The following LYRM1 variants were observed in gnomAD, a reference collection of about 807,000 sequenced individuals.
LYRM1 encodes LYR motif-containing protein 1.
A neutral mutation model predicts 14.9 loss-of-function variants in LYRM1; 14 were observed. The observed-to-expected ratio is 0.94, with a 90% CI of 0.62 to 1.47. The LOEUF (loss-of-function observed/expected upper bound fraction) is 1.47. Among genes scored for constraint, LYRM1 ranks in the 40% most tolerant of loss-of-function variants. LYRM1 has a pLI of 0.00. For missense variants in LYRM1, 153 were observed against 149.9 expected, an observed-to-expected ratio of 1.02 and a Z score of -0.11; for synonymous variants, 43 against 56.2, an observed-to-expected ratio of 0.77 and a Z score of 1.05.
intron 1 of LYRM1, among the ~76,000 whole-genome samples, chr16:20,909,222 C>T (rs966469963): frequency 6.6e-6 from 1 of 152,192 alleles, no homozygotes. Context: ...AAATGATCCT[C>T]ACCTCCACAC....
At position 20,920,280 on chromosome 16, in the gene LYRM1, T is replaced by C; in HGVS notation, c.252+66T>C. On this transcript the variant is annotated intron_variant, in intron 3 of 3. Coordinates refer to ENST00000567954, the MANE Select transcript of LYRM1 (RefSeq NM_001128302.3). ...TCATCAACCTGGTTATTTCCAAGAA[T>C]GTGTAACAAGAGGGCGAGTGCTTGC... 4.1e-6 allele frequency: 5 copies of C among 1,216,454 alleles called. No homozygotes were observed. The South Asian group carries it at 4.8e-5, about 12-fold the overall frequency. 75.4% of individuals were successfully genotyped at this position (1,216,454 alleles called of 1,614,324 possible).
Position 20,908,854 on chromosome 16 carries a change from A to C in LYRM1, c.1-6702A>C, listed in dbSNP as rs13336268. Among the ~76,000 whole-genome samples the C allele has an allele frequency of 4.7e-3, 709 of 152,334 alleles. 6 individuals are homozygous for C. The highest frequency in any genetic ancestry group is 0.016 in the African/African-American group (646 of 41,568). On this transcript the variant is annotated intron_variant, in intron 1 of 3. Transcript: ENST00000567954. ...AGGCAGAGGAAGACTCAGCCAAGAC[A>C]GACAGAAGTATGACATGGCAAGGCA...
chr16:20,920,533 C>G (rs8050226), intron 3 of LYRM1: 120 of 297,914 alleles, frequency 4.0e-4, no homozygotes, highest in African/African-American at 2.5e-3. Flanking sequence ...TTTGTTGTTA[C>G]TAAAAGAATA....
intron 1 of LYRM1, among the ~76,000 whole-genome samples, chr16:20,902,895 T>TC (rs1054688201): frequency 2.6e-5 from 4 of 152,152 alleles, no homozygotes; most frequent in African/African-American, 9.7e-5. Flanking sequence ...AGCCATACAA[T>TC]CCAACAGCTT....
At chr16:20,906,183 A>G (rs769012172) in intron 1 of LYRM1, among the ~76,000 whole-genome samples, 24 of 152,204 alleles carry the variant, frequency 1.6e-4, no homozygotes, top group Admixed American at 5.2e-4. Context: ...GGGGTATGCC[A>G]GAGGTGCCAG....
chr16:20,921,177 C>G (rs1365286103), intron 3 of LYRM1: 1 of 152,078 alleles, frequency 6.6e-6, no homozygotes, highest in East Asian at 1.9e-4. Flanking sequence ...GCAGCCTTGA[C>G]CTCCCAGGCT....
chr16:20,919,277 G>T (rs2083065424), intron 2 of LYRM1, among the ~76,000 whole-genome samples: 1 of 145,160 alleles, frequency 6.9e-6, no homozygotes, highest in Non-Finnish European at 1.5e-5. Flanking sequence ...TACTCTGGGG[G>T]TTTCAGGACA....
At chr16:20,917,903 T>G (rs11864905) in intron 2 of LYRM1, among the ~76,000 whole-genome samples, 96,545 of 151,340 alleles carry the variant, frequency 0.64, 31,887 homozygotes, top group Non-Finnish European at 0.73. Flanking sequence ...TATAGACACG[T>G]TCTTATACTT....
chr16:20,920,036 T>TA, intron 2 of LYRM1, 86 bp from the exon 3 acceptor site: 2 of 783,520 alleles, frequency 2.6e-6, no homozygotes, highest in Non-Finnish European at 3.9e-6. Flanking sequence ...GCTAGTGAAC[T>TA]AAAAAAGTTT....
chr16:20,901,942 G>A lies in LYRM1; in HGVS notation c.-1+1053G>A, dbSNP rs1462464882. Among the ~76,000 whole-genome samples the A allele has an allele frequency of 6.6e-6, 1 of 152,162 alleles. No individual in the cohort carries two copies. The highest frequency in any genetic ancestry group is 1.5e-5 in the Non-Finnish European group (1 of 68,034). ...AGATCGAGATCATCCTGGCCAACAT[G>A]GTGAAACCCCATCTCTACTAAAAAT... On this transcript the variant is annotated intron_variant, in intron 1 of 3. Transcript: ENST00000567954. The surrounding 1 kb of genome is among the most constrained non-coding windows in gnomAD (Gnocchi z 4.6).
Position 20,924,633 on chromosome 16 carries a change from A to G in LYRM1, c.*517A>G, listed in dbSNP as rs750565277. On this transcript the variant is annotated 3_prime_UTR_variant, in exon 4 of 4. Coordinates refer to ENST00000567954, the MANE Select transcript of LYRM1 (RefSeq NM_001128302.3). Reference sequence around the variant, plus strand: ...ACAAACTTGTCTTAAAAAGTGCATCATTGGATTGACCATGGTTTTTCATGA... The same window carrying G: ...ACAAACTTGTCTTAAAAAGTGCATCGTTGGATTGACCATGGTTTTTCATGA... The G allele has an allele frequency of 2.0e-5, 3 of 152,380 alleles. No homozygotes were observed. Among genetic ancestry groups the G allele is most frequent in the Non-Finnish European group, 4.4e-5 (3 of 68,264 alleles). 9.4% of individuals were successfully genotyped at this position (152,380 alleles called of 1,614,324 possible). A position where few individuals can be genotyped will look rare whatever the true frequency, so the allele number is the denominator to read the frequency against.
At position 20,916,922 on chromosome 16, in the gene LYRM1, A is replaced by G. The variant is rs1307817851; in HGVS notation, c.159+1208A>G. Among the ~76,000 whole-genome samples, 3 of 152,224 alleles carry G rather than the reference A, an allele frequency of 2.0e-5. 1 individual carries two copies. The highest frequency in any genetic ancestry group is 7.2e-5 in the African/African-American group (3 of 41,462). On this transcript the variant is annotated intron_variant, in intron 2 of 3. Coordinates refer to ENST00000567954, the MANE Select transcript of LYRM1 (RefSeq NM_001128302.3). ...AAAGAAATATAAAATTACAGTTGGG[A>G]AAAGTGCTACAAAGGCTGGACATGG...
intron 2 of LYRM1, 115 bp downstream of exon 2, chr16:20,915,829 C>A: frequency 8.5e-7 from 1 of 1,170,924 alleles, no homozygotes; most frequent in Non-Finnish European, 1.2e-6. Context: ...GGTGGCAGAA[C>A]TTGGGGCAGG....
At chr16:20,915,774 A>C (rs568423409) in intron 2 of LYRM1, 60 bp downstream of exon 2, 21 of 1,563,690 alleles carry the variant, frequency 1.3e-5, no homozygotes, top group South Asian at 6.8e-5. Flanking sequence ...ATATTTGTTT[A>C]TTTCTTTTCG....
At chr16:20,915,459 CA>C (rs566437893) in intron 1 of LYRM1, 96 bp from the exon 2 acceptor site, 34,762 of 791,276 alleles carry the variant, frequency 0.044, 1 homozygote, top group South Asian at 0.05. Flanking sequence ...GACTCCGTCT[CA>C]AAAAAAAAAA....
chr16:20,914,875 T>G (rs2082794832), intron 1 of LYRM1, among the ~76,000 whole-genome samples: 1 of 152,230 alleles, frequency 6.6e-6, no homozygotes, highest in African/African-American at 2.4e-5. Context: ...GTGGATTAAA[T>G]TCCATTTCTC....
chr16:20,907,478 A>G (rs905385578), intron 1 of LYRM1, among the ~76,000 whole-genome samples: 2 of 152,118 alleles, frequency 1.3e-5, no homozygotes, highest in Non-Finnish European at 2.9e-5. Context: ...CTCCCACCTC[A>G]GCCTCTGAAA....
At chr16:20,909,181 T>C (rs2082463193) in intron 1 of LYRM1, among the ~76,000 whole-genome samples, 1 of 152,176 alleles carries the variant, frequency 6.6e-6, no homozygotes. Flanking sequence ...CTTTTCTTAG[T>C]GGCACAGGCC....
At chr16:20,910,227 C>G (rs2082523109) in intron 1 of LYRM1, among the ~76,000 whole-genome samples, 1 of 152,124 alleles carries the variant, frequency 6.6e-6, no homozygotes, top group Non-Finnish European at 1.5e-5. Flanking sequence ...AAGAAAAGAA[C>G]AAAAGAAACA....
Sources: allele counts gnomAD v4.1 joint callset (sites outside exome capture counted in the v4.1 genomes callset), GRCh38; gene constraint gnomAD v4.1.1; non-coding constraint Gnocchi (gnomAD v3.1); transcripts MANE v1.5; gene names NCBI Gene and HGNC (gene_info 2026-07-23, HGNC 2026-07-21).